Variants in USP28 observed in about 807,000 individuals in gnomAD.
USP28 encodes ubiquitin carboxyl-terminal hydrolase 28.
In USP28, 113 loss-of-function variants were observed where a neutral mutation model predicts 145.0. The ratio of observed to expected loss-of-function variants is 0.78; its 90% CI spans 0.67 to 0.91. USP28 has a LOEUF of 0.91. Ranked by LOEUF, USP28 falls within the 40% of genes least tolerant of loss-of-function variation. The probability of loss-of-function intolerance (pLI) is 0.00; values close to 1 mark genes in which losing one functional copy is unlikely to be tolerated. For missense variants in USP28, 1,201 were observed against 1,289.6 expected, an observed-to-expected ratio of 0.93 and a Z score of 1.05; for synonymous variants, 447 against 450.9, an observed-to-expected ratio of 0.99 and a Z score of 0.11.
intron 1 of USP28, among the ~76,000 whole-genome samples, chr11:113,861,499 GA>G (rs1947692423): frequency 6.6e-6 from 1 of 152,092 alleles, no homozygotes; most frequent in Non-Finnish European, 1.5e-5. Flanking sequence ...ATATCATGTA[GA>G]GGGGTTAAAA....
At chr11:113,863,205 C>G (rs187624688) in intron 1 of USP28, among the ~76,000 whole-genome samples, 1 of 151,844 alleles carries the variant, frequency 6.6e-6, no homozygotes, top group East Asian at 1.9e-4. Flanking sequence ...GGTAAACAGG[C>G]AAAATTCAGT....
intron 18 of USP28, among the ~76,000 whole-genome samples, chr11:113,807,199 A>G (rs1021126139): frequency 1.3e-5 from 2 of 151,990 alleles, no homozygotes; most frequent in Admixed American, 6.6e-5. Context: ...CAGCCTCCCA[A>G]GTAGCTGGGA....
At chr11:113,850,864 G>T (rs1946374740) in intron 3 of USP28, among the ~76,000 whole-genome samples, 1 of 152,180 alleles carries the variant, frequency 6.6e-6, no homozygotes, top group Non-Finnish European at 1.5e-5. Context: ...CCTCTGAACT[G>T]TGCACCTGGG....
At chr11:113,847,113 TA>T (rs1456671454) in intron 3 of USP28, among the ~76,000 whole-genome samples, 1 of 152,154 alleles carries the variant, frequency 6.6e-6, no homozygotes, top group Non-Finnish European at 1.5e-5. Flanking sequence ...TGAATCTAGG[TA>T]ACAATCATCA....
chr11:113,805,397 AG>A (rs1269089369), intron 19 of USP28, among the ~76,000 whole-genome samples: 3 of 151,900 alleles, frequency 2.0e-5, no homozygotes, highest in African/African-American at 7.3e-5. Flanking sequence ...CTGGGACTAC[AG>A]GCATATACCA....
chr11:113,809,653 T>C (rs1940635045), intron 16 of USP28, among the ~76,000 whole-genome samples: 1 of 152,204 alleles, frequency 6.6e-6, no homozygotes, highest in East Asian at 1.9e-4. Context: ...ATGGACAATG[T>C]AAGGGCAACA....
intron 2 of USP28, among the ~76,000 whole-genome samples, chr11:113,853,375 T>C (rs12575186): frequency 0.035 from 5,259 of 151,368 alleles, 432 homozygotes; most frequent in East Asian, 0.3. Context: ...TTGTTTTTAA[T>C]GTTTTATGAG....
Position 113,855,062 on chromosome 11 carries a change from TG to T in USP28, c.58-728del, listed in dbSNP as rs368460230. ...TTCACTGACAATAAGTTTCCAATCA[TG>T]TAATTAACCAATGATAACACCAACA... is the stretch of plus-strand genomic sequence containing the variant. On this transcript the variant is annotated intron_variant, in intron 1 of 24. Coordinates refer to ENST00000003302, the Ensembl canonical transcript of USP28. Among the ~76,000 whole-genome samples the T allele has an allele frequency of 1.6e-3, 242 of 152,276 alleles. 4 individuals are homozygous for T. Among genetic ancestry groups the T allele is most frequent in the Admixed American group, 0.013 (198 of 15,278 alleles).
At chr11:113,862,454 C>G (rs1195240752) in intron 1 of USP28, among the ~76,000 whole-genome samples, 1 of 152,194 alleles carries the variant, frequency 6.6e-6, no homozygotes, top group Non-Finnish European at 1.5e-5. Flanking sequence ...TGGATAATCA[C>G]TGCAGGCTCC....
chr11:113,860,651 G>GA (rs934030335), intron 1 of USP28, among the ~76,000 whole-genome samples: 22 of 146,416 alleles, frequency 1.5e-4, no homozygotes, highest in African/African-American at 2.5e-4. Flanking sequence ...CTCTACTAAA[G>GA]AAAAAAAAAA....
At chr11:113,852,187 C>A (rs1411099929) in intron 3 of USP28, among the ~76,000 whole-genome samples, 1 of 152,140 alleles carries the variant, frequency 6.6e-6, no homozygotes, top group East Asian at 1.9e-4. Flanking sequence ...CACCACCACA[C>A]CCAGCTAATT....
chr11:113,851,734 C>T (rs951744128), intron 3 of USP28, among the ~76,000 whole-genome samples: 1 of 149,504 alleles, frequency 6.7e-6, no homozygotes, highest in African/African-American at 2.5e-5. Context: ...GCGGTGAGCG[C>T]AGATCGCGCT....
chr11:113,812,509 A>AGAATGT lies in USP28; in HGVS notation c.1744-6_1744-5insACATTC. 1 of 1,611,626 alleles carries AGAATGT rather than the reference A, an allele frequency of 6.2e-7. No individual in the cohort carries two copies. Among genetic ancestry groups the AGAATGT allele is most frequent in the Non-Finnish European group, 8.5e-7 (1 of 1,179,522 alleles). On this transcript the variant is annotated splice_region_variant and splice_polypyrimidine_tract_variant and intron_variant, in intron 15 of 24. Coordinates refer to ENST00000003302, the Ensembl canonical transcript of USP28. ...TGCATGCAAGCGATAAGGCACCTGT[A>AGAATGT]AGTCAGAATGTACATTCCCCAGTCA...
intron 10 of USP28, among the ~76,000 whole-genome samples, chr11:113,827,842 T>A (rs999221276): frequency 6.6e-6 from 1 of 152,242 alleles, no homozygotes; most frequent in Non-Finnish European, 1.5e-5. Flanking sequence ...TTTTAGTCTA[T>A]TAACCATAAT....
chr11:113,868,355 A>G (rs964058644), intron 1 of USP28, among the ~76,000 whole-genome samples: 1 of 152,178 alleles, frequency 6.6e-6, no homozygotes, highest in Non-Finnish European at 1.5e-5. Flanking sequence ...TGCAAATTCT[A>G]CTTCCTGCTC....
intron 11 of USP28, among the ~76,000 whole-genome samples, chr11:113,824,951 G>T (rs868687234): frequency 5.4e-5 from 5 of 92,442 alleles, no homozygotes; most frequent in African/African-American, 1.4e-4. Flanking sequence ...AAAAAAAAAA[G>T]ATGTCAATTT....
At chr11:113,848,181 T>C (rs1345039004) in intron 3 of USP28, among the ~76,000 whole-genome samples, 1 of 152,182 alleles carries the variant, frequency 6.6e-6, no homozygotes, top group Non-Finnish European at 1.5e-5. Context: ...ATTACAGTCT[T>C]TCAATTAAAC....
chr11:113,799,951 T>C (rs1938646701), intron 24 of USP28, among the ~76,000 whole-genome samples: 1 of 152,160 alleles, frequency 6.6e-6, no homozygotes, highest in South Asian at 2.1e-4. Context: ...CAACTAGCTA[T>C]TACAGGATTT....
chr11:113,806,527 T>C (rs1003083916), exon 19 of USP28: 2 of 1,609,152 alleles, frequency 1.2e-6, no homozygotes, highest in African/African-American at 1.3e-5. Context: ...CGGTCAAAGG[T>C]CTGACGGGCT....
Sources: allele counts gnomAD v4.1 joint callset (sites outside exome capture counted in the v4.1 genomes callset), GRCh38; gene constraint gnomAD v4.1.1; transcripts MANE v1.5; gene names NCBI Gene and HGNC (gene_info 2026-07-23, HGNC 2026-07-21).